Variants in ARHGAP22 observed in about 807,000 individuals in gnomAD.
The protein encoded by ARHGAP22 is Rho GTPase activating protein 22.
ARHGAP22 carries 48 observed loss-of-function variants against 59.1 expected under a neutral mutation model. That is an observed-to-expected ratio of 0.81 (90% CI 0.64 to 1.03). The LOEUF is 1.03. Among genes scored for constraint, ARHGAP22 ranks in the 50% least tolerant of loss-of-function variants. ARHGAP22 has a pLI of 0.00. For synonymous variants in ARHGAP22, 445 were observed against 416.4 expected, an observed-to-expected ratio of 1.07 and a Z score of -0.84; for missense variants, 1,015 against 958.7, an observed-to-expected ratio of 1.06 and a Z score of -0.78.
chr10:48,620,234 C>T (rs772949043), intron 1 of ARHGAP22, among the ~76,000 whole-genome samples: 7 of 151,168 alleles, frequency 4.6e-5, no homozygotes, highest in Admixed American at 2.0e-4. Context: ...TCCTGAGCCA[C>T]GGAGCTGTAT....
At chr10:48,443,318 T>G (rs2045246419), downstream of ARHGAP22, among the ~76,000 whole-genome samples, 1 of 152,194 alleles carries the variant, frequency 6.6e-6, no homozygotes. Context: ...CTTTCCTATT[T>G]CCCTTAGAAT....
intron 2 of ARHGAP22, among the ~76,000 whole-genome samples, chr10:48,566,031 G>C (rs2058027867): frequency 6.6e-6 from 1 of 152,182 alleles, no homozygotes; most frequent in South Asian, 2.1e-4. Flanking sequence ...TGGAGTTTGT[G>C]ACAGTTTGAG....
intron 1 of ARHGAP22, among the ~76,000 whole-genome samples, chr10:48,590,172 T>G (rs988693737): frequency 6.6e-6 from 1 of 151,766 alleles, no homozygotes; most frequent in African/African-American, 2.4e-5. Flanking sequence ...CCTAGAGAAC[T>G]CTTTCAGGAA....
intron 4 of ARHGAP22, among the ~76,000 whole-genome samples, chr10:48,460,513 C>A (rs1269343117): frequency 6.6e-6 from 1 of 152,174 alleles, no homozygotes; most frequent in Non-Finnish European, 1.5e-5. Context: ...AAACTGGAAC[C>A]CTTCCTTGTG....
At chr10:48,652,491 G>C (rs753220487) in exon 1 of ARHGAP22, 1 of 594,010 alleles carries the variant, frequency 1.7e-6, no homozygotes, top group East Asian at 2.8e-5. Context: ...TTCATTAAGC[G>C]TAAGTGCATC....
chr10:48,560,520 C>A (rs933532698), intron 2 of ARHGAP22, among the ~76,000 whole-genome samples: 1 of 152,116 alleles, frequency 6.6e-6, no homozygotes, highest in African/African-American at 2.4e-5. Context: ...TTACACCAGG[C>A]AGGACTCCAT....
intron 3 of ARHGAP22, among the ~76,000 whole-genome samples, chr10:48,491,938 A>G (rs187220731): frequency 8.9e-4 from 135 of 152,204 alleles, no homozygotes; most frequent in Non-Finnish European, 9.1e-4. Context: ...GGCTTGTTCA[A>G]GGGCACCAGC....
chr10:48,622,971 T>G (rs1589214447), intron 1 of ARHGAP22, among the ~76,000 whole-genome samples: 1 of 152,180 alleles, frequency 6.6e-6, no homozygotes, highest in Admixed American at 6.5e-5. Context: ...CTCCCCATAC[T>G]CAATGCTTAT....
chr10:48,458,301 A>T (rs936516267), intron 5 of ARHGAP22, among the ~76,000 whole-genome samples: 2 of 151,960 alleles, frequency 1.3e-5, no homozygotes, highest in Non-Finnish European at 2.9e-5. Flanking sequence ...GGCTGCTGGG[A>T]GGCCGAGAGT....
At chr10:48,484,488 G>A (rs2049664318) in intron 3 of ARHGAP22, among the ~76,000 whole-genome samples, 1 of 152,116 alleles carries the variant, frequency 6.6e-6, no homozygotes, top group African/African-American at 2.4e-5. Context: ...GGTTTTGGTG[G>A]CCTCACAGAA....
chr10:48,484,618 T>C (rs1458617650), intron 3 of ARHGAP22, among the ~76,000 whole-genome samples: 1 of 152,260 alleles, frequency 6.6e-6, no homozygotes, highest in East Asian at 1.9e-4. Context: ...GAGTTTACTT[T>C]GTGGAAATGT....
At position 48,451,087 on chromosome 10, in the gene ARHGAP22, G is replaced by C; in HGVS notation, c.1042C>G (p.Leu348Val). ...MTVLIRKHSQ[L>V]FTAPVPEGPT... ...CCTTCCGGGACCGGTGCCGTGAAGA[G>C]CTGGCTGTGTTTGCGGATGAGGACG... Residue 348 changes from leucine to valine, a missense_variant, in exon 9 of 10, where the codon CTC becomes GTC. Leu to Val is a conservative substitution (Grantham distance 32, BLOSUM62 1). Transcript: ENST00000249601. 1 of 1,553,156 alleles carries C rather than the reference G, an allele frequency of 6.4e-7. No individual in the cohort carries two copies. Among genetic ancestry groups the C allele is most frequent in the Non-Finnish European group, 8.7e-7 (1 of 1,148,196 alleles).
chr10:48,608,491 T>C (rs139885064), upstream of ARHGAP22, among the ~76,000 whole-genome samples: 31 of 152,314 alleles, frequency 2.0e-4, no homozygotes, highest in Admixed American at 1.6e-3. Context: ...AGAAGCTGCA[T>C]GGAGGACCAG....
At position 48,636,052 on chromosome 10, in the gene ARHGAP22, C is replaced by G. The variant is rs139530092; in HGVS notation, c.52+16182G>C. On this transcript the variant is annotated intron_variant, in intron 1 of 9. Transcript: ENST00000435790. ...TTGGTGGTAGCATCAGGTCCTTACT[C>G]TCTCTCTCTTTTCATTAAAGAAAGA... is the stretch of plus-strand genomic sequence containing the variant. 1.1e-3 allele frequency among the ~76,000 whole-genome samples: 174 copies of G among 152,282 alleles called. 1 individual carries two copies. Among genetic ancestry groups the G allele is most frequent in the African/African-American group, 4.0e-3 (168 of 41,564 alleles).
chr10:48,617,007 C>A (rs1472894222), intron 1 of ARHGAP22, among the ~76,000 whole-genome samples: 1 of 152,022 alleles, frequency 6.6e-6, no homozygotes, highest in Non-Finnish European at 1.5e-5. Context: ...AATTATAAAT[C>A]TGCATTAATA....
At chr10:48,587,918 C>T (rs935287) in intron 1 of ARHGAP22, among the ~76,000 whole-genome samples, 11,390 of 152,286 alleles carry the variant, frequency 0.075, 464 homozygotes, top group Middle Eastern at 0.11. Context: ...TCTGTCCCAG[C>T]GGTGGACAAT....
At chr10:48,538,558 T>A (rs2055597866) in intron 3 of ARHGAP22, among the ~76,000 whole-genome samples, 1 of 152,242 alleles carries the variant, frequency 6.6e-6, no homozygotes, top group South Asian at 2.1e-4. Context: ...GTAATTGTAA[T>A]TCCAGTTTTT....
intron 1 of ARHGAP22, among the ~76,000 whole-genome samples, chr10:48,604,415 T>G (rs2060560957): frequency 6.6e-6 from 1 of 152,274 alleles, no homozygotes; most frequent in African/African-American, 2.4e-5. Context: ...AGGGCAAATC[T>G]TGGGCATTTC....
intron 1 of ARHGAP22, among the ~76,000 whole-genome samples, chr10:48,638,827 C>T (rs1305790296): frequency 6.6e-6 from 1 of 151,974 alleles, no homozygotes; most frequent in East Asian, 1.9e-4. Flanking sequence ...GTGCCTATAT[C>T]CTAATAAGAA....
Sources: allele counts gnomAD v4.1 joint callset (sites outside exome capture counted in the v4.1 genomes callset), GRCh38; gene constraint gnomAD v4.1.1; transcripts MANE v1.5; gene names NCBI Gene and HGNC (gene_info 2026-07-23, HGNC 2026-07-21).